Variants in FIP1L1 observed in about 807,000 individuals in gnomAD.
FIP1L1 encodes factor interacting with PAPOLA and CPSF1, also known as pre-mRNA 3'-end-processing factor FIP1.
Under a neutral mutation model 84.6 loss-of-function variants are expected in FIP1L1, and 21 were observed. That is an observed-to-expected ratio of 0.25 (90% CI 0.18 to 0.36). The LOEUF (loss-of-function observed/expected upper bound fraction) is 0.36, where lower values mean the gene tolerates loss of function less well. FIP1L1 is among the 10% of genes least tolerant of loss of function. The pLI is 1.00. For synonymous variants in FIP1L1, 263 were observed against 242.3 expected (o/e 1.09, Z -0.80); for missense variants, 526 against 751.1 (o/e 0.70, Z 3.50).
rs1719296485 is a variant in FIP1L1, at chr4:53,456,796, A to G, written c.1500-1857A>G. On this transcript the variant is annotated intron_variant, in intron 16 of 17. Transcript: ENST00000337488. ...CTTTATATTTTGTGTGTAGGACCCA[A>G]TCTTCTACCATCTGTTATAAGGTTC... Among the ~76,000 whole-genome samples, 3 of 152,094 alleles carry G rather than the reference A, an allele frequency of 2.0e-5. No homozygotes were observed. In the South Asian group the frequency reaches 6.2e-4, roughly 32 times the overall value.
intron 15 of FIP1L1, among the ~76,000 whole-genome samples, chr4:53,452,284 G>A (rs1399233450): frequency 2.0e-5 from 3 of 151,284 alleles, no homozygotes; most frequent in Non-Finnish European, 4.4e-5. Flanking sequence ...ATATTGTTGA[G>A]TACACTTTTC....
At chr4:53,390,345 T>C (rs905411300) in intron 6 of FIP1L1, among the ~76,000 whole-genome samples, 176 bp from the exon 7 acceptor site, 2 of 152,204 alleles carry the variant, frequency 1.3e-5, no homozygotes, top group African/African-American at 4.8e-5. Context: ...AGGCTCTGCT[T>C]TGTTTGGAAC....
At chr4:53,379,346 C>G (rs902885828) in intron 3 of FIP1L1, 82 bp downstream of exon 3, 18 of 1,180,560 alleles carry the variant, frequency 1.5e-5, no homozygotes, top group Middle Eastern at 3.0e-4. Flanking sequence ...TATTTTCTTA[C>G]AATCATTGGC....
chr4:53,439,129 A>G (rs934119187), intron 13 of FIP1L1, among the ~76,000 whole-genome samples: 2 of 152,160 alleles, frequency 1.3e-5, no homozygotes, highest in African/African-American at 4.8e-5. Context: ...TATTAAAAAC[A>G]TTTAATGATC....
intron 11 of FIP1L1, 138 bp downstream of exon 11, chr4:53,414,860 G>T: frequency 3.7e-6 from 2 of 539,524 alleles, no homozygotes; most frequent in South Asian, 2.9e-5. Context: ...TACAGTTGTA[G>T]GTTTTTTAGT....
chr4:53,450,994 C>G (rs1284525780), intron 15 of FIP1L1, among the ~76,000 whole-genome samples: 3 of 147,726 alleles, frequency 2.0e-5, no homozygotes, highest in Non-Finnish European at 4.5e-5. Flanking sequence ...TGGAGTCTCA[C>G]TCTGTTGTCA....
At position 53,459,250 on chromosome 4, in the gene FIP1L1, CTGAT is replaced by C; in HGVS notation, c.1638-49_1638-46del. 7 of 1,320,326 alleles carry C rather than the reference CTGAT, an allele frequency of 5.3e-6. No homozygotes were observed. In the East Asian group the frequency reaches 1.3e-4, roughly 24 times the overall value. 81.8% of individuals were successfully genotyped at this position (1,320,326 alleles called of 1,614,324 possible). On this transcript the variant is annotated intron_variant, in intron 17 of 17. Coordinates refer to ENST00000337488, the MANE Select transcript of FIP1L1 (RefSeq NM_030917.4). ...CCTTAGAGTGATTGGATTTTTGTCA[CTGAT>C]TGTGTATTTAAACAGAACACACCTT... is the stretch of plus-strand genomic sequence containing the variant.
chr4:53,409,821 G>T lies in FIP1L1; in HGVS notation c.816-4794G>T, dbSNP rs978387191. On this transcript the variant is annotated intron_variant, in intron 10 of 17. Transcript: ENST00000337488. Reference sequence around the variant, plus strand: ...GGTGCAGGATATAATCTCCTGGTGCGCCGTTTTTTAAGCCCATTGGAAAAG... The same window carrying T: ...GGTGCAGGATATAATCTCCTGGTGCTCCGTTTTTTAAGCCCATTGGAAAAG... Among the ~76,000 whole-genome samples, 5 of 152,216 alleles carry T rather than the reference G, an allele frequency of 3.3e-5. No homozygotes were observed. In the East Asian group the frequency reaches 9.6e-4, roughly 29 times the overall value.
chr4:53,422,724 T>A (rs11133273), intron 11 of FIP1L1, among the ~76,000 whole-genome samples: 64,757 of 150,322 alleles, frequency 0.43, 15,310 homozygotes, highest in Admixed American at 0.54. Flanking sequence ...ATATATATAT[T>A]TTTTTTTTGA....
At position 53,416,423 on chromosome 4, in the gene FIP1L1, T is replaced by C. The variant is rs111562340; in HGVS notation, c.923+1701T>C. 7.1e-3 allele frequency among the ~76,000 whole-genome samples: 1,088 copies of C among 152,324 alleles called. 8 individuals carry two copies. The highest frequency in any genetic ancestry group is 0.01 in the Non-Finnish European group (692 of 68,018). On this transcript the variant is annotated intron_variant, in intron 11 of 17. Transcript: ENST00000337488. ...GTTTCCTAACATGCCTATGCCTCCA[T>C]TACCACAATCGTAACATAGTGGAGC...
intron 13 of FIP1L1, among the ~76,000 whole-genome samples, chr4:53,436,708 G>GT (rs1488280337): frequency 1.3e-5 from 2 of 152,078 alleles, no homozygotes; most frequent in African/African-American, 2.4e-5. Context: ...AATCTGTTTA[G>GT]TTTTTTTGTG....
chr4:53,396,872 G>GT (rs1747684873), intron 9 of FIP1L1, among the ~76,000 whole-genome samples: 1 of 152,056 alleles, frequency 6.6e-6, no homozygotes, highest in African/African-American at 2.4e-5. Flanking sequence ...TTTTCTCCCT[G>GT]TTGTGCAAAG....
At position 53,378,934 on chromosome 4, in the gene FIP1L1, T is replaced by C. The variant is rs1285972063; in HGVS notation, c.86-139T>C. Reference sequence around the variant, plus strand: ...TTGAAATGTGAATGTGTAGGATTTCTTTTACAAAGATCTGGAAATCTTCAT... The same window carrying C: ...TTGAAATGTGAATGTGTAGGATTTCCTTTACAAAGATCTGGAAATCTTCAT... On this transcript the variant is annotated intron_variant, in intron 1 of 17. Coordinates refer to ENST00000337488, the MANE Select transcript of FIP1L1 (RefSeq NM_030917.4). 8.4e-6 allele frequency: 7 copies of C among 836,602 alleles called. No homozygotes were observed. In the African/African-American group the frequency reaches 1.2e-4, roughly 14 times the overall value. The allele number at this position is 836,602 out of a possible 1,614,324, so 51.8% of individuals were successfully genotyped here. A position where few individuals can be genotyped will look rare whatever the true frequency, so the allele number is the denominator to read the frequency against.
At chr4:53,409,205 C>T (rs1382217178) in intron 10 of FIP1L1, among the ~76,000 whole-genome samples, 1 of 152,092 alleles carries the variant, frequency 6.6e-6, no homozygotes, top group Admixed American at 6.6e-5. Context: ...GTTAGTTTTC[C>T]TTCTAACAGA....
chr4:53,409,042 C>G lies in FIP1L1; in HGVS notation c.816-5573C>G, dbSNP rs113246926. ...GCTTTGTTCCGTTGCTTGTGAGGAA[C>G]TGCGTTCCTTTGGAGGAGGAGAGGC... On this transcript the variant is annotated intron_variant, in intron 10 of 17. Transcript: ENST00000337488. Among the ~76,000 whole-genome samples, 1,333 of 152,336 alleles carry G rather than the reference C, an allele frequency of 8.8e-3. 23 individuals are homozygous for G. The highest frequency in any genetic ancestry group is 0.03 in the African/African-American group (1,258 of 41,568).
chr4:53,383,979 T>G (rs775564492), intron 5 of FIP1L1, 103 bp downstream of exon 5: 13 of 1,096,972 alleles, frequency 1.2e-5, no homozygotes, highest in African/African-American at 1.6e-5. Context: ...TTTTACATTT[T>G]TCTATTTTAA....
intron 4 of FIP1L1, among the ~76,000 whole-genome samples, chr4:53,382,616 T>G (rs563573975): frequency 3.0e-4 from 46 of 152,352 alleles, no homozygotes; most frequent in African/African-American, 1.1e-3. Flanking sequence ...CTGAATATAG[T>G]GAGCCTGGTT....
At chr4:53,383,098 T>A (rs1425370609) in intron 4 of FIP1L1, among the ~76,000 whole-genome samples, 1 of 152,060 alleles carries the variant, frequency 6.6e-6, no homozygotes, top group Non-Finnish European at 1.5e-5. Flanking sequence ...TCCTCTTAGA[T>A]TCTTTTTTGC....
intron 10 of FIP1L1, among the ~76,000 whole-genome samples, chr4:53,407,988 A>C (rs1754694611): frequency 6.6e-6 from 1 of 152,130 alleles, no homozygotes; most frequent in African/African-American, 2.4e-5. Flanking sequence ...CATTTAGTTC[A>C]TTTACATTTA....
Sources: gnomAD v4.1 joint callset for allele counts (sites outside exome capture counted in the v4.1 genomes callset) on GRCh38, gnomAD v4.1.1 for gene constraint, MANE v1.5 for transcripts, NCBI Gene and HGNC (gene_info 2026-07-23, HGNC 2026-07-21) for gene names.